Variants in EPS8 observed in about 807,000 individuals in gnomAD.
EPS8 encodes the protein EGFR pathway substrate 8, signaling adaptor.
Under a neutral mutation model 103.8 loss-of-function variants are expected in EPS8, and 42 were observed. That is an observed-to-expected ratio of 0.40 (90% CI 0.32 to 0.52). The LOEUF (loss-of-function observed/expected upper bound fraction) is 0.52. Among genes scored for constraint, EPS8 ranks in the 20% least tolerant of loss-of-function variants. The probability of loss-of-function intolerance (pLI) is 0.40; values close to 1 mark genes in which losing one functional copy is unlikely to be tolerated. For missense variants in EPS8, 969 were observed against 1,005.1 expected, an observed-to-expected ratio of 0.96 and a Z score of 0.49; for synonymous variants, 344 against 344.6, an observed-to-expected ratio of 1.00 and a Z score of 0.02.
At chr12:15,622,616 T>C (rs191846265) in intron 20 of EPS8, among the ~76,000 whole-genome samples, 34 of 152,256 alleles carry the variant, frequency 2.2e-4, no homozygotes, top group African/African-American at 8.2e-4. Flanking sequence ...CTAGAAAACA[T>C]GACTCTCCTG....
chr12:15,722,204 A>G (rs1946604697), intron 1 of EPS8, among the ~76,000 whole-genome samples: 1 of 152,044 alleles, frequency 6.6e-6, no homozygotes, highest in Admixed American at 6.6e-5. Flanking sequence ...TACAAAAAAA[A>G]AAACGCAAGA....
At chr12:15,652,542 T>A (rs142026276) in intron 13 of EPS8, among the ~76,000 whole-genome samples, 4 of 152,244 alleles carry the variant, frequency 2.6e-5, no homozygotes, top group African/African-American at 9.6e-5. Context: ...TATCAAACTA[T>A]CATATGTACC....
Position 15,623,232 on chromosome 12 carries a change from C to A in EPS8, c.2281G>T (p.Asp761Tyr), listed in dbSNP as rs765383370. ...NGAQLFSLNK[D>Y]ELRTVCPEGA... is the part of the protein sequence containing the mutation. ...TCAGGGCAGACTGTCCTCAGTTCAT[C>A]CTTATTGAGAGAGAAAAGTTGTGCA... is the stretch of plus-strand genomic sequence containing the variant. Residue 761 changes from aspartate (D) to tyrosine (Y), a missense_variant, in exon 20 of 21, where the codon GAT becomes TAT. Asp to Tyr is a radical substitution (Grantham distance 160, BLOSUM62 -3). Transcript: ENST00000281172. 2 of 1,613,110 alleles carry A rather than the reference C, an allele frequency of 1.2e-6. No individual in the cohort carries two copies. The highest frequency in any genetic ancestry group is 1.1e-5 in the South Asian group (1 of 91,010).
rs1258663097 is a variant in EPS8 at position 15,725,507 on chromosome 12, T to TA, written c.-21-42536dup. ...AAAAAAATCTGCATGGGTGTGCACATACATTTTGTAGTTTACACGGCACTT... is the reference window on the plus strand; with the variant it reads ...AAAAAAATCTGCATGGGTGTGCACATAACATTTTGTAGTTTACACGGCACTT... On this transcript the variant is annotated intron_variant, in intron 1 of 20. Transcript: ENST00000281172. The surrounding 1 kb of genome is among the most constrained non-coding windows in gnomAD (Gnocchi z 4.5). Among the ~76,000 whole-genome samples the TA allele has an allele frequency of 6.6e-6, 1 of 150,462 alleles. No homozygotes were observed. Among genetic ancestry groups the TA allele is most frequent in the Admixed American group, 6.6e-5 (1 of 15,114 alleles).
intron 10 of EPS8, among the ~76,000 whole-genome samples, chr12:15,659,512 C>A (rs1313714904): frequency 1.3e-5 from 2 of 152,092 alleles, no homozygotes; most frequent in Non-Finnish European, 2.9e-5. Context: ...GTATACCTTT[C>A]ATAGAGAATT....
intron 17 of EPS8, chr12:15,634,661 G>T (rs1435180995): frequency 2.5e-6 from 1 of 398,170 alleles, no homozygotes; most frequent in African/African-American, 2.1e-5. Context: ...TGGAACATTT[G>T]GAGGGTGTTA....
At chr12:15,705,775 C>T (rs887703059) in intron 1 of EPS8, among the ~76,000 whole-genome samples, 3 of 152,172 alleles carry the variant, frequency 2.0e-5, no homozygotes, top group Non-Finnish European at 2.9e-5. Context: ...TTGTTTTCCT[C>T]ACTGTTCAAA....
In EPS8 at chr12:15,752,967, G is replaced by A. The variant is rs1221803238; in HGVS notation, c.-22+36194C>T. ...TTACATTATGGTAAAAGGGGCAATT[G>A]TGGGATAACCATCATTTATTTATAG... On this transcript the variant is annotated intron_variant, in intron 1 of 20. Coordinates refer to ENST00000281172, the MANE Select transcript of EPS8 (RefSeq NM_004447.6). This position sits in a 1 kb window ranked among gnomAD's most constrained non-coding sequence, Gnocchi z 4.4. 6.6e-6 allele frequency among the ~76,000 whole-genome samples: 1 copy of A among 151,712 alleles called. No individual in the cohort carries two copies. The highest frequency in any genetic ancestry group is 2.4e-5 in the African/African-American group (1 of 41,252).
intron 17 of EPS8, among the ~76,000 whole-genome samples, chr12:15,633,093 T>A (rs1165809422): frequency 6.6e-6 from 1 of 151,862 alleles, no homozygotes; most frequent in Admixed American, 6.6e-5. Flanking sequence ...AGAGAAGGAG[T>A]TAGGTGGGAC....
chr12:15,664,562 A>G (rs1408678814), intron 8 of EPS8, among the ~76,000 whole-genome samples: 1 of 152,226 alleles, frequency 6.6e-6, no homozygotes, highest in Non-Finnish European at 1.5e-5. Context: ...GTACAGAGAG[A>G]TAACTTCCCA....
At chr12:15,711,958 C>T (rs1946471186) in intron 1 of EPS8, among the ~76,000 whole-genome samples, 1 of 152,048 alleles carries the variant, frequency 6.6e-6, no homozygotes, top group African/African-American at 2.4e-5. Context: ...GTCTGTGTTA[C>T]AATGTTATTA....
chr12:15,641,860 T>C, intron 15 of EPS8, 30 bp from the exon 16 acceptor site: 1 of 1,208,214 alleles, frequency 8.3e-7, no homozygotes, highest in Non-Finnish European at 1.2e-6. Context: ...AGATTATTAT[T>C]CTGCTAGCTC....
At chr12:15,732,675 C>T (rs1388366772) in intron 1 of EPS8, 6 of 598,444 alleles carry the variant, frequency 1.0e-5, no homozygotes, top group Non-Finnish European at 1.3e-5. Context: ...AAATGACCTA[C>T]TGTTTACTAA....
chr12:15,645,307 G>A (rs1441698367), intron 15 of EPS8, among the ~76,000 whole-genome samples: 3 of 152,002 alleles, frequency 2.0e-5, no homozygotes, highest in African/African-American at 7.2e-5. Flanking sequence ...TTTTCCTAAT[G>A]TCAGCCAATG....
rs1488515635 is a variant in EPS8, at chr12:15,690,933, A to G, written c.-21-7961T>C. Reference sequence around the variant, plus strand: ...AGTGATGCAATAAAGAAGAGTCAAGACCAAACAAAAAAGTCAGTTCCACTA... The same window carrying G: ...AGTGATGCAATAAAGAAGAGTCAAGGCCAAACAAAAAAGTCAGTTCCACTA... On this transcript the variant is annotated intron_variant, in intron 1 of 20. Transcript: ENST00000281172. The surrounding 1 kb of genome is among the most constrained non-coding windows in gnomAD (Gnocchi z 4.7). Among the ~76,000 whole-genome samples, 1 of 151,998 alleles carries G rather than the reference A, an allele frequency of 6.6e-6. No individual in the cohort carries two copies.
intron 17 of EPS8, among the ~76,000 whole-genome samples, chr12:15,634,128 T>C (rs909820354): frequency 6.6e-6 from 1 of 152,196 alleles, no homozygotes; most frequent in African/African-American, 2.4e-5. Context: ...AAATTCTGAC[T>C]AACTGTTCTT....
At position 15,747,853 on chromosome 12, in the gene EPS8, T is replaced by C. The variant is rs1946891107; in HGVS notation, c.-22+41308A>G. On this transcript the variant is annotated intron_variant, in intron 1 of 20. Coordinates refer to ENST00000281172, the MANE Select transcript of EPS8 (RefSeq NM_004447.6). This position sits in a 1 kb window ranked among gnomAD's most constrained non-coding sequence, Gnocchi z 4.4. ...GGCTAACACGGTGAAACCCCGTCTC[T>C]ACTAAAAATACAAAGAATTAGCCGG... Among the ~76,000 whole-genome samples, 1 of 152,054 alleles carries C rather than the reference T, an allele frequency of 6.6e-6. No homozygotes were observed. The highest frequency in any genetic ancestry group is 2.4e-5 in the African/African-American group (1 of 41,376).
chr12:15,637,801 C>T (rs545065917), intron 17 of EPS8, among the ~76,000 whole-genome samples: 2 of 152,256 alleles, frequency 1.3e-5, no homozygotes, highest in African/African-American at 4.8e-5. Flanking sequence ...AAGAGGGTCA[C>T]GCTGCTCTTG....
At chr12:15,631,862 C>A in intron 17 of EPS8, 198 bp from the exon 18 acceptor site, 2 of 491,636 alleles carry the variant, frequency 4.1e-6, no homozygotes, top group Admixed American at 3.7e-5. Context: ...TGTTCAAAGT[C>A]AAAACATTAG....
Sources: gnomAD v4.1 joint callset for allele counts (sites outside exome capture counted in the v4.1 genomes callset) on GRCh38, gnomAD v4.1.1 for gene constraint, Gnocchi (gnomAD v3.1) non-coding constraint, MANE v1.5 for transcripts, NCBI Gene and HGNC (gene_info 2026-07-23, HGNC 2026-07-21) for gene names.